The following PDIA6 variants were observed in gnomAD, a reference collection of about 807,000 sequenced individuals.
PDIA6 encodes protein disulfide isomerase family A member 6.
Under a neutral mutation model 58.4 loss-of-function variants are expected in PDIA6, and 29 were observed. The observed-to-expected ratio is 0.50, with a 90% CI of 0.37 to 0.68. The LOEUF is 0.68. Among genes scored for constraint, PDIA6 ranks in the 30% least tolerant of loss-of-function variants. The pLI is 0.00. For synonymous variants in PDIA6, 192 were observed against 202.6 expected, an observed-to-expected ratio of 0.95 and a Z score of 0.44; for missense variants, 480 against 551.0, an observed-to-expected ratio of 0.87 and a Z score of 1.29.
intron 1 of PDIA6, chr2:10,810,530 T>G: frequency 9.3e-7 from 1 of 1,070,042 alleles, no homozygotes; most frequent in Non-Finnish European, 1.2e-6. Context: ...TTATTCTTTT[T>G]TCTAGTAATG....
chr2:10,807,931 G>C (rs1357468235), intron 1 of PDIA6, among the ~76,000 whole-genome samples: 1 of 152,086 alleles, frequency 6.6e-6, no homozygotes, highest in African/African-American at 2.4e-5. Flanking sequence ...ACATATAAGG[G>C]GCAGGGCAGC....
upstream of PDIA6, chr2:10,815,497 G>A (rs562939930): frequency 1.8e-4 from 28 of 152,278 alleles, no homozygotes; most frequent in African/African-American, 6.5e-4. Context: ...GGGGCTTCCA[G>A]TAAAAGCTGG....
At chr2:10,792,726 C>A (rs1431102063) in intron 5 of PDIA6, among the ~76,000 whole-genome samples, 1 of 112,038 alleles carries the variant, frequency 8.9e-6, no homozygotes, top group Admixed American at 9.6e-5. Flanking sequence ...CAGATACAGG[C>A]CAAGAGGTAA....
At chr2:10,829,577 T>A (rs1458090843) in intron 1 of PDIA6, among the ~76,000 whole-genome samples, 6 of 152,202 alleles carry the variant, frequency 3.9e-5, no homozygotes, top group Admixed American at 3.9e-4. Context: ...TTTCTGCCTT[T>A]CACTGAGTCA....
chr2:10,797,612 C>G, intron 3 of PDIA6, 88 bp downstream of exon 3: 1 of 911,246 alleles, frequency 1.1e-6, no homozygotes, highest in African/African-American at 1.7e-5. Context: ...ATACTTATTA[C>G]TTAAACATAC....
Position 10,793,220 on chromosome 2 carries a change from T to C in PDIA6, c.347-18A>G, listed in dbSNP as rs11887543. On this transcript the variant is annotated intron_variant, in intron 4 of 12. Coordinates refer to ENST00000272227, the MANE Select transcript of PDIA6 (RefSeq NM_005742.4). ...TCTGCCACCTACAGGAGACGGAAGG[T>C]AGGCGGTCCTCAGCCCGGCCTTCAG... The C allele has an allele frequency of 6.3e-6, 10 of 1,575,818 alleles. No homozygotes were observed. Among genetic ancestry groups the C allele is most frequent in the South Asian group, 1.1e-5 (1 of 90,272 alleles).
At chr2:10,799,942 C>G (rs1469863994) in intron 2 of PDIA6, among the ~76,000 whole-genome samples, 3 of 151,322 alleles carry the variant, frequency 2.0e-5, no homozygotes, top group African/African-American at 7.3e-5. Context: ...AAATCTGAAG[C>G]CAAGGTGGCC....
At chr2:10,815,212 G>A (rs923314387), upstream of PDIA6, among the ~76,000 whole-genome samples, 2 of 152,158 alleles carry the variant, frequency 1.3e-5, no homozygotes, top group Admixed American at 6.5e-5. Context: ...ACAGGCTTCC[G>A]GAAATGCACC....
At chr2:10,819,448 T>C (rs989175801) in intron 1 of PDIA6, 29 of 744,158 alleles carry the variant, frequency 3.9e-5, no homozygotes, top group Middle Eastern at 2.7e-4. Context: ...TATTTACATC[T>C]GTGAACCTGC....
At chr2:10,822,429 A>AT (rs1667426444) in intron 1 of PDIA6, among the ~76,000 whole-genome samples, 1 of 151,678 alleles carries the variant, frequency 6.6e-6, no homozygotes, top group South Asian at 2.1e-4. Context: ...TGCCTGGCTA[A>AT]TTTTTTGTAT....
chr2:10,822,761 G>T (rs1330927965), intron 1 of PDIA6, among the ~76,000 whole-genome samples: 1 of 152,222 alleles, frequency 6.6e-6, no homozygotes, highest in Non-Finnish European at 1.5e-5. Flanking sequence ...TAAACAATTT[G>T]CAAGGCAAAG....
Position 10,825,356 on chromosome 2 carries a change from C to T in PDIA6, c.-47-6002G>A, listed in dbSNP as rs114603907. Among the ~76,000 whole-genome samples the T allele has an allele frequency of 9.6e-3, 1,458 of 152,072 alleles. 18 individuals are homozygous for T. The highest frequency in any genetic ancestry group is 0.015 in the Non-Finnish European group (986 of 67,980). Reference sequence around the variant, plus strand: ...TCCCTCTAGAGAATCCTGACTAATACGGTATCTTAAAATTCTTTTTCCACA... The same window carrying T: ...TCCCTCTAGAGAATCCTGACTAATATGGTATCTTAAAATTCTTTTTCCACA... On this transcript the variant is annotated intron_variant, in intron 1 of 13. Coordinates refer to the PDIA6 transcript ENST00000381611.
chr2:10,805,949 T>C (rs1440901503), intron 1 of PDIA6, among the ~76,000 whole-genome samples: 1 of 88,486 alleles, frequency 1.1e-5, no homozygotes, highest in African/African-American at 3.3e-5. Context: ...TCGGGAGATA[T>C]ACCTAATGCT....
chr2:10,785,905 G>A (rs574312318), intron 11 of PDIA6, among the ~76,000 whole-genome samples: 2 of 152,262 alleles, frequency 1.3e-5, no homozygotes, highest in Admixed American at 6.5e-5. Context: ...GTAGACATAA[G>A]GTCTCACCGT....
intron 4 of PDIA6, among the ~76,000 whole-genome samples, chr2:10,795,673 G>A (rs1244513990): frequency 4.6e-5 from 7 of 152,154 alleles, no homozygotes; most frequent in African/African-American, 1.4e-4. Context: ...TAGTTACGAC[G>A]CTGGAGTATG....
chr2:10,810,195 C>A (rs983303779), intron 1 of PDIA6: 2 of 923,074 alleles, frequency 2.2e-6, no homozygotes, highest in South Asian at 1.4e-5. Context: ...GTCATGGTGC[C>A]CATTATTTCA....
chr2:10,824,383 G>A (rs1004089402), intron 1 of PDIA6, among the ~76,000 whole-genome samples: 1 of 152,222 alleles, frequency 6.6e-6, no homozygotes, highest in African/African-American at 2.4e-5. Context: ...CCATTGTGTA[G>A]CAACCCTGGG....
Position 10,791,800 on chromosome 2 carries a change from G to T in PDIA6, c.579C>A (p.Cys193Ter). Residue 193 changes from cysteine to a stop codon, truncating the protein, a stop_gained, in exon 6 of 13, where the codon TGC becomes TGA. Coordinates refer to ENST00000272227, the MANE Select transcript of PDIA6 (RefSeq NM_005742.4). LOFTEE classifies it high-confidence loss of function. ...VEFYAPWCGH[C>*]KNLEPEWAAA... Reference sequence around the variant, plus strand: ...ACTTAGTAGAAGGCACTTACTTTTTGCAGTGTCCACACCAAGGAGCATAGA... The same window carrying T: ...ACTTAGTAGAAGGCACTTACTTTTTTCAGTGTCCACACCAAGGAGCATAGA... The T allele has an allele frequency of 6.2e-7, 1 of 1,610,112 alleles. No homozygotes were observed. Among genetic ancestry groups the T allele is most frequent in the Non-Finnish European group, 8.5e-7 (1 of 1,178,988 alleles).
In PDIA6 at chr2:10,797,236, T is replaced by A. The variant is rs569741382; in HGVS notation, c.220-29A>T. ...TGGAAATGTAAAAGAAATAACAATT[T>A]TTCCTTCCGCTAAAGCAGACTCCAC... On this transcript the variant is annotated intron_variant, in intron 3 of 12. Coordinates refer to ENST00000272227, the MANE Select transcript of PDIA6 (RefSeq NM_005742.4). 3 of 1,599,244 alleles carry A rather than the reference T, an allele frequency of 1.9e-6. No homozygotes were observed. In the African/African-American group the frequency reaches 4.0e-5, roughly 22 times the overall value.
Sources: allele counts gnomAD v4.1 joint callset (sites outside exome capture counted in the v4.1 genomes callset), GRCh38; gene constraint gnomAD v4.1.1; transcripts MANE v1.5; gene names NCBI Gene and HGNC (gene_info 2026-07-23, HGNC 2026-07-21).